The following AARS2 variants were observed in gnomAD, a reference collection of about 807,000 sequenced individuals.
The protein encoded by AARS2 is alanyl-tRNA synthetase 2, mitochondrial, also known as alanine--tRNA ligase, mitochondrial.
AARS2 carries 78 observed loss-of-function variants against 119.7 expected under a neutral mutation model. The observed-to-expected ratio is 0.65, with a 90% CI of 0.54 to 0.79. The LOEUF is 0.79. Among genes scored for constraint, AARS2 ranks in the 30% least tolerant of loss-of-function variants. AARS2 has a pLI of 0.00. For synonymous variants in AARS2, 502 were observed against 526.3 expected (o/e 0.95, Z 0.63); for missense variants, 1,157 against 1,291.3 (o/e 0.90, Z 1.59).
At position 44,302,424 on chromosome 6, in the gene AARS2, C is replaced by G. The variant is rs1160921046; in HGVS notation, c.2454G>C (p.Leu818=). The part of the protein sequence containing the change: ...SLGSRDVAEA[L]RLSKDIGRLI... ...GTCGTCCTATGTCCTTGGACAGCCTCAGTGCCTCCGCCACATCCCGGCTCC... is the reference window on the plus strand; with the variant it reads ...GTCGTCCTATGTCCTTGGACAGCCTGAGTGCCTCCGCCACATCCCGGCTCC... The change falls in exon 18 of 22, where the codon CTG becomes CTC. Residue 818 remains leucine (L), a synonymous_variant. Transcript: ENST00000244571. 2 of 1,614,134 alleles carry G rather than the reference C, an allele frequency of 1.2e-6. No homozygotes were observed. The highest frequency in any genetic ancestry group is 2.2e-5 in the South Asian group (2 of 91,086).
rs1185233217 is a variant in AARS2, at chr6:44,300,599, T to C, written c.2906A>G (p.Asp969Gly). The part of the protein sequence containing the change: ...VVAQGTGSTT[D>G]LEAALSIAQT... ...GGCTATACTGAGGGCAGCTTCCAGG[T>C]CAGTAGTGCTTCCGGTGCCTTGGGC... Residue 969 changes from aspartate to glycine, a missense_variant, in exon 22 of 22, where the codon GAC (aspartate) becomes GGC (glycine). By Grantham distance (94) the Asp-to-Gly change is moderately conservative. Transcript: ENST00000244571. 1 of 1,613,898 alleles carries C rather than the reference T, an allele frequency of 6.2e-7. No homozygotes were observed. Among genetic ancestry groups the C allele is most frequent in the African/African-American group, 1.3e-5 (1 of 74,928 alleles).
rs1216466446 is a variant in AARS2, at chr6:44,305,652, C to T, written c.1434+1G>A. ...CCAGCATGGGGTGCCACAGCTTGTA[C>T]CTGGGCCTCCTCTTGGGCCAACCGC... On this transcript the variant is annotated splice_donor_variant, in intron 10 of 21. Transcript: ENST00000244571. LOFTEE classifies it high-confidence loss of function. This position sits in a 1 kb window ranked among gnomAD's most constrained non-coding sequence, Gnocchi z 4.6. The T allele has an allele frequency of 6.2e-7, 1 of 1,613,944 alleles. No homozygotes were observed. Among genetic ancestry groups the T allele is most frequent in the South Asian group, 1.1e-5 (1 of 91,070 alleles).
In AARS2 at chr6:44,307,255, C is replaced by A. The variant is rs1272238407; in HGVS notation, c.1034G>T (p.Gly345Val). 6.2e-7 allele frequency: 1 copy of A among 1,613,846 alleles called. No individual in the cohort carries two copies. The highest frequency in any genetic ancestry group is 8.5e-7 in the Non-Finnish European group (1 of 1,179,980). Residue 345 changes from glycine (G) to valine (V), a missense_variant, in exon 6 of 22, where the codon GGT becomes GTT. By Grantham distance (109) the Gly-to-Val change is moderately radical. Coordinates refer to ENST00000244571, the MANE Select transcript of AARS2 (RefSeq NM_020745.4). The surrounding 1 kb of genome is among the most constrained non-coding windows in gnomAD (Gnocchi z 4.4). ...ISDGIFPGMS[G>V]PPLVLRRILR... ...GTAGCCCTTCCAGACTCACGGGGGA[C>A]CTGACATCCCAGGGAAGATGCCATC...
Position 44,307,370 on chromosome 6 carries a change from C to G in AARS2, c.919G>C (p.Gly307Arg). ...QQGCRAPPYL[G>R]RVGVADEGRT... Reference sequence around the variant, plus strand: ...CCCTCGTCTGCCACCCCTACTCGGCCCAAGTAAGGGGGTGCCCTGCAGCCC... The same window carrying G: ...CCCTCGTCTGCCACCCCTACTCGGCGCAAGTAAGGGGGTGCCCTGCAGCCC... The change falls in exon 6 of 22, where the codon GGC becomes CGC. Residue 307 changes from glycine to arginine, a missense_variant. Transcript: ENST00000244571. This position sits in a 1 kb window ranked among gnomAD's most constrained non-coding sequence, Gnocchi z 4.4. 2 of 1,608,376 alleles carry G rather than the reference C, an allele frequency of 1.2e-6. No homozygotes were observed. The highest frequency in any genetic ancestry group is 1.3e-5 in the African/African-American group (1 of 75,014).
rs325010 is a variant in AARS2, at chr6:44,300,181, A to G, written c.*366T>C. ...TTTTTAGTAGAGATGGGGTTTCACC[A>G]TGTTAGCCAGGATGGTTTTGATCTC... On this transcript the variant is annotated 3_prime_UTR_variant, in exon 22 of 22. Coordinates refer to ENST00000244571, the MANE Select transcript of AARS2 (RefSeq NM_020745.4). 0.92 allele frequency: 285,101 copies of G among 309,194 alleles called. 133,211 individuals are homozygous for G. The highest frequency in any genetic ancestry group is 1 in the East Asian group (12,607 of 12,626). The allele number at this position is 309,194 out of a possible 1,614,324, so 19.2% of individuals were successfully genotyped here.
At position 44,313,331 on chromosome 6, in the gene AARS2, C is replaced by A; in HGVS notation, c.-8G>T. On this transcript the variant is annotated 5_prime_UTR_variant, in exon 1 of 22. Transcript: ENST00000244571. The stretch of plus-strand genomic sequence containing the variant: ...TGCCACTGACGCTGCCATCGTAGCT[C>A]CGGGCAGTGACTTTACGTGGTCAAA... 6.3e-7 allele frequency: 1 copy of A among 1,599,504 alleles called. No homozygotes were observed. The highest frequency in any genetic ancestry group is 1.1e-5 in the South Asian group (1 of 90,652).
Position 44,302,058 on chromosome 6 carries a change from AC to A in AARS2, c.2598+1del. 6.2e-7 allele frequency: 1 copy of A among 1,613,752 alleles called. No homozygotes were observed. Among genetic ancestry groups the A allele is most frequent in the South Asian group, 1.1e-5 (1 of 91,052 alleles). ...CATGGGTGCAGCCAAACCTCCTCTC[AC>A]CTGTCCCATTTGCAGCTTACGGATG... is the stretch of plus-strand genomic sequence containing the variant. On this transcript the variant is annotated splice_donor_variant, in intron 19 of 21. Coordinates refer to ENST00000244571, the MANE Select transcript of AARS2 (RefSeq NM_020745.4). LOFTEE classifies it high-confidence loss of function.
In AARS2 at chr6:44,305,269, C is replaced by G; in HGVS notation, c.1435-71G>C. ...GAATGAAAGTGGGACTTCAGCCTCGCAGGGCCCTGTCCCTGCCACACAGCT... is the reference window on the plus strand; with the variant it reads ...GAATGAAAGTGGGACTTCAGCCTCGGAGGGCCCTGTCCCTGCCACACAGCT... On this transcript the variant is annotated intron_variant, in intron 10 of 21. Coordinates refer to ENST00000244571, the MANE Select transcript of AARS2 (RefSeq NM_020745.4). This position sits in a 1 kb window ranked among gnomAD's most constrained non-coding sequence, Gnocchi z 4.6. The G allele has an allele frequency of 1.3e-6, 2 of 1,591,980 alleles. No individual in the cohort carries two copies. Among genetic ancestry groups the G allele is most frequent in the East Asian group, 4.5e-5 (2 of 44,820 alleles).
chr6:44,304,711 G>T lies in AARS2; in HGVS notation c.1686C>A (p.Thr562=). 3 of 1,614,228 alleles carry T rather than the reference G, an allele frequency of 1.9e-6. No homozygotes were observed. In the South Asian group the frequency reaches 3.3e-5, roughly 18 times the overall value. Residue 562 remains threonine (T), a synonymous_variant, in exon 12 of 22, where the codon ACC becomes ACA. Coordinates refer to ENST00000244571, the MANE Select transcript of AARS2 (RefSeq NM_020745.4). ...GGCCCCCCTGTTCTGCGTAGAAGTT[G>T]GTCCTGTCCAAGAGGAGGCCACAGC... ...GQRCGLLLDR[T]NFYAEQGGQA... is the part of the protein sequence containing the mutation.
rs910093894 is a variant in AARS2, at chr6:44,313,113, T to C, written c.211A>G (p.Ser71Gly). 3 of 1,612,530 alleles carry C rather than the reference T, an allele frequency of 1.9e-6. No homozygotes were observed. Among genetic ancestry groups the C allele is most frequent in the Admixed American group, 1.7e-5 (1 of 59,876 alleles). ...SASVRPRGDP[S>G]LLFVNAGMNQ... Reference sequence around the variant, plus strand: ...ATGCCCGCATTGACAAAAAGCAAACTGGGGTCGCCGCGGGGCCGCACGGAA... The same window carrying C: ...ATGCCCGCATTGACAAAAAGCAAACCGGGGTCGCCGCGGGGCCGCACGGAA... The change falls in exon 1 of 22, where the codon AGT becomes GGT. Residue 71 changes from serine to glycine, a missense_variant. Physicochemically the swap from Ser to Gly is moderately conservative, Grantham distance 56. Coordinates refer to ENST00000244571, the MANE Select transcript of AARS2 (RefSeq NM_020745.4).
chr6:44,312,565 C>T (rs1786459826), intron 1 of AARS2, among the ~76,000 whole-genome samples: 1 of 152,160 alleles, frequency 6.6e-6, no homozygotes, highest in Non-Finnish European at 1.5e-5. Flanking sequence ...AAGGTGGCAT[C>T]CTCCGTCTCA....
In AARS2 at chr6:44,301,453, T is replaced by C; in HGVS notation, c.2610A>G (p.Lys870=). 5.6e-6 allele frequency: 9 copies of C among 1,613,574 alleles called. No individual in the cohort carries two copies. Among genetic ancestry groups the C allele is most frequent in the Non-Finnish European group, 6.8e-6 (8 of 1,179,968 alleles). Residue 870 remains lysine (K), a synonymous_variant, in exon 20 of 22, where the codon AAA becomes AAG. Transcript: ENST00000244571. ...AGTGCCGCTCCAGCAGCTCCTGAGTTTTCTTTGCAGCCTATGGGGCAGGAA... is the reference window on the plus strand; with the variant it reads ...AGTGCCGCTCCAGCAGCTCCTGAGTCTTCTTTGCAGCCTATGGGGCAGGAA... ...RKLQMGQAAK[K]TQELLERHSK... is the part of the protein sequence containing the mutation.
intron 21 of AARS2, 81 bp downstream of exon 21, chr6:44,301,075 G>A: frequency 7.5e-7 from 1 of 1,325,506 alleles, no homozygotes; most frequent in South Asian, 1.3e-5. Flanking sequence ...CCCTTTGGGA[G>A]GAATTAAAGG....
chr6:44,311,650 GCCATCT>G, intron 2 of AARS2, 115 bp from the exon 3 acceptor site: 1 of 1,274,858 alleles, frequency 7.8e-7, no homozygotes, highest in Non-Finnish European at 1.1e-6. Context: ...CATTTCTGCT[GCCATCT>G]TGTTCCCAGA....
In AARS2 at chr6:44,305,499, T is replaced by A. The variant is rs1785765846; in HGVS notation, c.1434+154A>T. On this transcript the variant is annotated intron_variant, in intron 10 of 21. Coordinates refer to ENST00000244571, the MANE Select transcript of AARS2 (RefSeq NM_020745.4). This position sits in a 1 kb window ranked among gnomAD's most constrained non-coding sequence, Gnocchi z 4.6. Reference sequence around the variant, plus strand: ...TTGGCTAGTTTTGCTTTCTACTGGTTGTGGCCTGAGGTTTTAGAAACCTCC... The same window carrying A: ...TTGGCTAGTTTTGCTTTCTACTGGTAGTGGCCTGAGGTTTTAGAAACCTCC... Among the ~76,000 whole-genome samples, 1 of 152,200 alleles carries A rather than the reference T, an allele frequency of 6.6e-6. No homozygotes were observed. The highest frequency in any genetic ancestry group is 6.5e-5 in the Admixed American group (1 of 15,292).
At position 44,302,884 on chromosome 6, in the gene AARS2, C is replaced by T; in HGVS notation, c.2282G>A (p.Gly761Glu). ...GTHLLRTGAV[G>E]DLVIIGDRQL... ...GCGGTCCCCGATGATAACCAGGTCC[C>T]CTACAGCCCCAGTACGTAACAGGTG... Residue 761 changes from glycine to glutamate, a missense_variant, in exon 17 of 22, where the codon GGG becomes GAG. Physicochemically the swap from Gly to Glu is moderately conservative, Grantham distance 98. Coordinates refer to ENST00000244571, the MANE Select transcript of AARS2 (RefSeq NM_020745.4). 1 of 1,614,152 alleles carries T rather than the reference C, an allele frequency of 6.2e-7. No individual in the cohort carries two copies. The highest frequency in any genetic ancestry group is 8.5e-7 in the Non-Finnish European group (1 of 1,180,030).
chr6:44,307,628 T>C lies in AARS2; in HGVS notation c.895-234A>G, dbSNP rs1785978987. ...TATCTGTGACCATTTACTGAATTTC[T>C]ACTATCAGAACTGGGTGAGTACTTG... is the stretch of plus-strand genomic sequence containing the variant. On this transcript the variant is annotated intron_variant, in intron 5 of 21. Coordinates refer to ENST00000244571, the MANE Select transcript of AARS2 (RefSeq NM_020745.4). The surrounding 1 kb of genome is among the most constrained non-coding windows in gnomAD (Gnocchi z 4.4). The C allele has an allele frequency of 3.3e-6, 2 of 599,438 alleles. No homozygotes were observed. Among genetic ancestry groups the C allele is most frequent in the African/African-American group, 3.7e-5 (2 of 53,942 alleles). 37.1% of individuals were successfully genotyped at this position (599,438 alleles called of 1,614,324 possible).
chr6:44,304,619 C>G (rs764365488), intron 12 of AARS2, 26 bp downstream of exon 12: 1 of 1,614,202 alleles, frequency 6.2e-7, no homozygotes, highest in East Asian at 2.2e-5. Flanking sequence ...CCACAGAAAT[C>G]AGCCTGGGTT....
Position 44,301,231 on chromosome 6 carries a change from C to T in AARS2, c.2718G>A (p.Gln906=). 1 of 1,613,850 alleles carries T rather than the reference C, an allele frequency of 6.2e-7. No individual in the cohort carries two copies. Among genetic ancestry groups the T allele is most frequent in the Non-Finnish European group, 8.5e-7 (1 of 1,180,006 alleles). Residue 906 remains glutamine, a synonymous_variant, in exon 21 of 22, where the codon CAG becomes CAA. Coordinates refer to ENST00000244571, the MANE Select transcript of AARS2 (RefSeq NM_020745.4). ...LVKVVRQLCE[Q]APSTSVLLLS... is the part of the protein sequence containing the mutation. The stretch of plus-strand genomic sequence containing the variant: ...GTAGGAGCACAGACGTGCTGGGGGC[C>T]TGCTCACACAGCTGCCGTACCACCT...
Sources: allele counts gnomAD v4.1 joint callset (sites outside exome capture counted in the v4.1 genomes callset), GRCh38; gene constraint gnomAD v4.1.1; non-coding constraint Gnocchi (gnomAD v3.1); transcripts MANE v1.5; gene names NCBI Gene and HGNC (gene_info 2026-07-23, HGNC 2026-07-21).